Variants in WWOX observed in about 807,000 individuals in gnomAD.
WWOX encodes WW domain-containing oxidoreductase.
A neutral mutation model predicts 46.2 loss-of-function variants in WWOX; 69 were observed. The observed-to-expected ratio is 1.49, with a 90% confidence interval of 1.23 to 1.82. The LOEUF is 1.82. Among genes scored for constraint, WWOX ranks in the 40% most tolerant of loss-of-function variants. The probability of loss-of-function intolerance (pLI) is 0.00; values close to 1 mark genes in which losing one functional copy is unlikely to be tolerated. For missense variants in WWOX, 919 were observed against 542.6 expected (o/e 1.69, Z -6.89); for synonymous variants, 359 against 202.6 (o/e 1.77, Z -6.56).
At chr16:79,081,419 C>T (rs1026078744) in intron 8 of WWOX, among the ~76,000 whole-genome samples, 3 of 152,310 alleles carry the variant, frequency 2.0e-5, no homozygotes, top group Non-Finnish European at 4.4e-5. Flanking sequence ...CCACTTTGGC[C>T]TCCCAAAGCG....
At chr16:78,905,914 C>A (rs999409622) in intron 8 of WWOX, among the ~76,000 whole-genome samples, 1 of 152,188 alleles carries the variant, frequency 6.6e-6, no homozygotes, top group Non-Finnish European at 1.5e-5. Flanking sequence ...CCATCCTTGG[C>A]TCCTTCCCAC....
At chr16:78,383,820 C>T (rs1397853419) in intron 5 of WWOX, among the ~76,000 whole-genome samples, 1 of 152,106 alleles carries the variant, frequency 6.6e-6, no homozygotes, top group African/African-American at 2.4e-5. Context: ...AGTGTGTGGA[C>T]TTGAATCACT....
rs142257057 is a variant in WWOX at position 78,740,346 on chromosome 16, C to G, written c.1056+307594C>G. Among the ~76,000 whole-genome samples, 62 of 152,252 alleles carry G rather than the reference C, an allele frequency of 4.1e-4. No individual in the cohort carries two copies. In the East Asian group the frequency reaches 8.5e-3, roughly 21 times the overall value. Reference sequence around the variant, plus strand: ...GCTCCTGAGAGTTAAATCAAGCAGCCTCTCTTGAAGCACAGTAAATGCTGA... The same window carrying G: ...GCTCCTGAGAGTTAAATCAAGCAGCGTCTCTTGAAGCACAGTAAATGCTGA... On this transcript the variant is annotated intron_variant, in intron 8 of 8. Transcript: ENST00000566780.
At chr16:78,428,168 C>T (rs934130403) in intron 7 of WWOX, among the ~76,000 whole-genome samples, 2 of 152,244 alleles carry the variant, frequency 1.3e-5, no homozygotes, top group Non-Finnish European at 2.9e-5. Flanking sequence ...TTACTGTCCA[C>T]AGAGCAAATG....
At position 78,684,103 on chromosome 16, in the gene WWOX, A is replaced by G. The variant is rs1431080536; in HGVS notation, c.1056+251351A>G. 4.6e-5 allele frequency among the ~76,000 whole-genome samples: 7 copies of G among 152,228 alleles called. No homozygotes were observed. The East Asian group carries it at 1.4e-3, about 29-fold the overall frequency. ...TTTTAGCTCATGGCCGTGCAGTTCA[A>G]CTCAACCTCATGGCATCTTTTTATC... On this transcript the variant is annotated intron_variant, in intron 8 of 8. Transcript: ENST00000566780.
At chr16:78,514,651 A>C (rs1216535749) in intron 8 of WWOX, among the ~76,000 whole-genome samples, 3 of 152,230 alleles carry the variant, frequency 2.0e-5, no homozygotes, top group African/African-American at 7.2e-5. Context: ...GCATTTAAAA[A>C]ATGCATTTAG....
chr16:78,800,778 G>A (rs2050865764), intron 8 of WWOX, among the ~76,000 whole-genome samples: 1 of 152,166 alleles, frequency 6.6e-6, no homozygotes. Context: ...CTGGGTCTGT[G>A]TCAGGCATGT....
intron 8 of WWOX, among the ~76,000 whole-genome samples, chr16:79,122,770 A>G (rs974311260): frequency 3.9e-5 from 6 of 152,178 alleles, no homozygotes; most frequent in Admixed American, 1.3e-4. Flanking sequence ...TTCTCATTGT[A>G]GGAAAAAGGG....
chr16:78,990,077 G>A (rs1484756342), intron 8 of WWOX, among the ~76,000 whole-genome samples: 1 of 151,654 alleles, frequency 6.6e-6, no homozygotes, highest in Non-Finnish European at 1.5e-5. Context: ...TCAGCTACTC[G>A]GGAGGCTGAA....
intron 8 of WWOX, among the ~76,000 whole-genome samples, chr16:79,072,998 C>T (rs983460392): frequency 2.6e-5 from 4 of 152,108 alleles, no homozygotes; most frequent in African/African-American, 9.7e-5. Flanking sequence ...AATGTGCTTC[C>T]ATGTGGCTGT....
chr16:79,194,788 T>C (rs1283234042), intron 8 of WWOX, among the ~76,000 whole-genome samples: 4 of 152,164 alleles, frequency 2.6e-5, no homozygotes, highest in Admixed American at 6.5e-5. Flanking sequence ...TTTCCCCGTA[T>C]TATACATTCA....
At chr16:78,324,198 T>C (rs1053446838) in intron 5 of WWOX, among the ~76,000 whole-genome samples, 7 of 152,130 alleles carry the variant, frequency 4.6e-5, no homozygotes, top group African/African-American at 1.7e-4. Flanking sequence ...AACTGAGGTT[T>C]TCTGTTGGCA....
At chr16:78,101,647 C>T (rs1156540443) in intron 1 of WWOX, among the ~76,000 whole-genome samples, 1 of 152,056 alleles carries the variant, frequency 6.6e-6, no homozygotes, top group Non-Finnish European at 1.5e-5. Context: ...TTGGTTTGGC[C>T]CCTCCCCTCT....
intron 8 of WWOX, among the ~76,000 whole-genome samples, chr16:78,822,218 G>T (rs966902173): frequency 9.8e-5 from 15 of 152,294 alleles, no homozygotes; most frequent in South Asian, 2.1e-4. Flanking sequence ...GTGAGGCCAG[G>T]TGTGGTGGCT....
At chr16:79,115,142 G>A (rs972784266) in intron 8 of WWOX, among the ~76,000 whole-genome samples, 1 of 152,150 alleles carries the variant, frequency 6.6e-6, no homozygotes, top group Non-Finnish European at 1.5e-5. Flanking sequence ...ACTCCTTCGT[G>A]TTCCCCATGT....
intron 8 of WWOX, among the ~76,000 whole-genome samples, chr16:79,177,811 A>G (rs2050830853): frequency 1.3e-5 from 2 of 152,230 alleles, no homozygotes; most frequent in African/African-American, 4.8e-5. Flanking sequence ...CTGTGTCAAA[A>G]GTACTAAATG....
chr16:78,654,762 A>G (rs548457349), intron 8 of WWOX, among the ~76,000 whole-genome samples: 19 of 151,656 alleles, frequency 1.3e-4, no homozygotes, highest in Middle Eastern at 3.4e-3. Flanking sequence ...CCTACATCCT[A>G]ATTATTTGAT....
At chr16:78,622,180 C>T (rs1470052669) in intron 8 of WWOX, among the ~76,000 whole-genome samples, 1 of 152,046 alleles carries the variant, frequency 6.6e-6, no homozygotes, top group East Asian at 1.9e-4. Flanking sequence ...CTTTTTCTCT[C>T]CATTCTTCTC....
chr16:78,424,267 A>G (rs1464493415), intron 6 of WWOX, among the ~76,000 whole-genome samples: 1 of 150,348 alleles, frequency 6.7e-6, no homozygotes, highest in African/African-American at 2.4e-5. Context: ...ACAGACATAT[A>G]CCACCACACC....
Sources: gnomAD v4.1 joint callset for allele counts (sites outside exome capture counted in the v4.1 genomes callset) on GRCh38, gnomAD v4.1.1 for gene constraint, MANE v1.5 for transcripts, NCBI Gene and HGNC (gene_info 2026-07-23, HGNC 2026-07-21) for gene names.